RGL1: variants seen among roughly 807,000 people sequenced by gnomAD.
RGL1 encodes the protein ral guanine nucleotide dissociation stimulator-like 1.
In RGL1, 24 loss-of-function variants were observed where a neutral mutation model predicts 95.2. That is an observed-to-expected ratio of 0.25 (90% CI 0.18 to 0.35). The LOEUF (loss-of-function observed/expected upper bound fraction) is 0.35, where lower values mean the gene tolerates loss of function less well. Ranked by LOEUF, RGL1 falls within the 10% of genes least tolerant of loss-of-function variation. The pLI, the probability that RGL1 is intolerant of heterozygous loss-of-function variation, is 1.00. For synonymous variants in RGL1, 329 were observed against 344.9 expected (o/e 0.95, Z 0.51); for missense variants, 715 against 936.3 (o/e 0.76, Z 3.08).
intron 4 of RGL1, among the ~76,000 whole-genome samples, 185 bp downstream of exon 4, chr1:183,866,258 C>T (rs761929494): frequency 5.3e-5 from 8 of 152,044 alleles, no homozygotes; most frequent in Non-Finnish European, 1.2e-4. Context: ...CTTAAGTAAC[C>T]ACTGTCTGCC....
At chr1:183,662,936 A>T (rs1450364825) in intron 1 of RGL1, among the ~76,000 whole-genome samples, 3 of 152,236 alleles carry the variant, frequency 2.0e-5, no homozygotes, top group African/African-American at 7.2e-5. Context: ...ATCTTTGACA[A>T]ATCTGAGAAA....
At chr1:183,924,711 G>A (rs1445474088) in intron 17 of RGL1, among the ~76,000 whole-genome samples, 9 of 151,672 alleles carry the variant, frequency 5.9e-5, no homozygotes, top group Admixed American at 4.6e-4. Flanking sequence ...TTGAGAGGCC[G>A]AGGCAGGTAG....
At chr1:183,663,406 A>G (rs1292218455) in intron 1 of RGL1, among the ~76,000 whole-genome samples, 5 of 145,388 alleles carry the variant, frequency 3.4e-5, no homozygotes, top group African/African-American at 5.6e-5. Context: ...GACGAAGGAT[A>G]TGAGCATACA....
At chr1:183,650,413 T>TGG (rs1650646186) in intron 1 of RGL1, among the ~76,000 whole-genome samples, 1 of 151,924 alleles carries the variant, frequency 6.6e-6, no homozygotes, top group Non-Finnish European at 1.5e-5. Context: ...TGTGGTGGCA[T>TGG]GCGCCTGTAG....
At position 183,892,122 on chromosome 1, in the gene RGL1, C is replaced by T; in HGVS notation, c.1101C>T (p.Asp367=). Residue 367 remains aspartate, a synonymous_variant, in exon 9 of 18, where the codon GAC becomes GAT. Transcript: ENST00000360851. ...MFEELSDIFS[D]HNNHLTSREL... Reference sequence around the variant, plus strand: ...AAGAACTTTCAGATATCTTCTCAGACCATAATAACCATTTGACCAGCCGAG... The same window carrying T: ...AAGAACTTTCAGATATCTTCTCAGATCATAATAACCATTTGACCAGCCGAG... 1 of 1,612,818 alleles carries T rather than the reference C, an allele frequency of 6.2e-7. No homozygotes were observed. The highest frequency in any genetic ancestry group is 1.1e-5 in the South Asian group (1 of 91,030).
At chr1:183,735,361 A>T (rs1656875641) in intron 1 of RGL1, among the ~76,000 whole-genome samples, 1 of 152,194 alleles carries the variant, frequency 6.6e-6, no homozygotes, top group Non-Finnish European at 1.5e-5. Context: ...ATACATTATC[A>T]TGTTGAATGC....
At chr1:183,839,430 C>A (rs1284526928) in intron 2 of RGL1, among the ~76,000 whole-genome samples, 1 of 152,166 alleles carries the variant, frequency 6.6e-6, no homozygotes. Context: ...TTATTCTCTA[C>A]ATCCAATTGA....
chr1:183,879,521 G>C (rs1326636945), intron 4 of RGL1, among the ~76,000 whole-genome samples: 1 of 152,204 alleles, frequency 6.6e-6, no homozygotes, highest in Non-Finnish European at 1.5e-5. Flanking sequence ...AAAAATTTTG[G>C]TAAAGTGTTT....
chr1:183,846,604 G>A (rs1321623950), intron 2 of RGL1, among the ~76,000 whole-genome samples: 1 of 152,014 alleles, frequency 6.6e-6, no homozygotes, highest in African/African-American at 2.4e-5. Context: ...GTTTGTCCAG[G>A]TGCAGTGGCT....
At chr1:183,918,162 G>A (rs994141453) in intron 16 of RGL1, among the ~76,000 whole-genome samples, 3 of 152,164 alleles carry the variant, frequency 2.0e-5, no homozygotes, top group African/African-American at 7.2e-5. Flanking sequence ...TTAAATCAGA[G>A]GTACCAGTAT....
rs374612673 is a variant in RGL1, at chr1:183,866,130, A to G, written c.425+57A>G. 9.8e-5 allele frequency: 131 copies of G among 1,340,878 alleles called. No individual in the cohort carries two copies. In the African/African-American group the frequency reaches 1.7e-3, roughly 18 times the overall value. 83.1% of individuals were successfully genotyped at this position (1,340,878 alleles called of 1,614,324 possible). A position where few individuals can be genotyped will look rare whatever the true frequency, so the allele number is the denominator to read the frequency against. ...CTCAGTCAAGACAATATCTTAAAGT[A>G]GTTTAGTAGAGTATTTTATTCCTTT... On this transcript the variant is annotated intron_variant, in intron 4 of 17. Coordinates refer to ENST00000360851, the MANE Select transcript of RGL1 (RefSeq NM_001297671.3).
At chr1:183,923,845 G>A (rs1669456271) in intron 17 of RGL1, among the ~76,000 whole-genome samples, 1 of 152,170 alleles carries the variant, frequency 6.6e-6, no homozygotes, top group East Asian at 1.9e-4. Context: ...GGAGTCACTT[G>A]GAACCTGCTC....
chr1:183,717,335 T>A (rs973723459), intron 1 of RGL1, among the ~76,000 whole-genome samples: 1 of 152,220 alleles, frequency 6.6e-6, no homozygotes, highest in Non-Finnish European at 1.5e-5. Flanking sequence ...AGTGATTTTT[T>A]AAAATATGTG....
chr1:183,772,027 CGGA>C (rs1006782041), intron 2 of RGL1, among the ~76,000 whole-genome samples: 1 of 152,218 alleles, frequency 6.6e-6, no homozygotes, highest in African/African-American at 2.4e-5. Context: ...CCAGGGCAGT[CGGA>C]GGAGAGCGCC....
intron 1 of RGL1, chr1:183,648,576 TA>T (rs1231150157): frequency 3.1e-6 from 5 of 1,614,190 alleles, no homozygotes; most frequent in Middle Eastern, 1.6e-4. Context: ...TTTTAGTTCA[TA>T]AAATGTGAGG....
At position 183,926,459 on chromosome 1, in the gene RGL1, C is replaced by T; in HGVS notation, c.*167C>T. The T allele has an allele frequency of 4.2e-6, 2 of 477,492 alleles. No homozygotes were observed. The highest frequency in any genetic ancestry group is 7.4e-6 in the Non-Finnish European group (2 of 271,262). The allele number at this position is 477,492 out of a possible 1,614,324, so 29.6% of individuals were successfully genotyped here. ...CATTATGATAGGCACCGTGGGGAAACTGGAAATGAATTTGACATGAAAAGG... is the reference window on the plus strand; with the variant it reads ...CATTATGATAGGCACCGTGGGGAAATTGGAAATGAATTTGACATGAAAAGG... On this transcript the variant is annotated 3_prime_UTR_variant, in exon 18 of 18. Transcript: ENST00000360851.
At chr1:183,831,285 A>G (rs1055203277) in intron 2 of RGL1, among the ~76,000 whole-genome samples, 12 of 152,182 alleles carry the variant, frequency 7.9e-5, no homozygotes, top group African/African-American at 2.7e-4. Context: ...AGATGGAACA[A>G]ATGCAAAGAT....
At chr1:183,744,598 C>A (rs12738712) in intron 2 of RGL1, among the ~76,000 whole-genome samples, 69,230 of 151,896 alleles carry the variant, frequency 0.46, 16,877 homozygotes, top group East Asian at 0.8. Context: ...AGTATTTATA[C>A]TACATGCATG....
Position 183,877,344 on chromosome 1 carries a change from C to T in RGL1, c.426-3272C>T, listed in dbSNP as rs545906059. The stretch of plus-strand genomic sequence containing the variant: ...GGACTGGAGCCAGGCTGGGTAAGAC[C>T]GAAAAGCCATTGGCCAGTAATCCTG... On this transcript the variant is annotated intron_variant, in intron 4 of 17. Transcript: ENST00000360851. 5.6e-4 allele frequency among the ~76,000 whole-genome samples: 85 copies of T among 152,276 alleles called. No homozygotes were observed. In the Middle Eastern group the frequency reaches 0.02, roughly 37 times the overall value.
Sources: gnomAD v4.1 joint callset for allele counts (sites outside exome capture counted in the v4.1 genomes callset) on GRCh38, gnomAD v4.1.1 for gene constraint, MANE v1.5 for transcripts, NCBI Gene and HGNC (gene_info 2026-07-23, HGNC 2026-07-21) for gene names.